SEC24B: variants seen among roughly 807,000 people sequenced by gnomAD.
SEC24B encodes the protein SEC24 homolog B, COPII component.
In SEC24B, 45 loss-of-function variants were observed where a neutral mutation model predicts 142.8. That is an observed-to-expected ratio of 0.32 (90% confidence interval 0.25 to 0.40). SEC24B has a LOEUF of 0.40. SEC24B is among the 10% of genes least tolerant of loss of function. SEC24B has a pLI of 1.00. For synonymous variants in SEC24B, 574 were observed against 568.2 expected (o/e 1.01, Z -0.15); for missense variants, 1,409 against 1,526.8 (o/e 0.92, Z 1.29).
chr4:109,497,572 A>C (rs1040889089), intron 6 of SEC24B, among the ~76,000 whole-genome samples: 3 of 149,186 alleles, frequency 2.0e-5, no homozygotes, highest in Non-Finnish European at 3.0e-5. Context: ...TTTTTTTTAC[A>C]TAATTGGAAG....
intron 3 of SEC24B, among the ~76,000 whole-genome samples, chr4:109,481,230 T>C (rs535307903): frequency 6.9e-4 from 105 of 152,252 alleles, no homozygotes; most frequent in African/African-American, 2.5e-3. Context: ...AAGGTAACAT[T>C]AGCAGAAGGA....
chr4:109,442,861 A>G (rs1300962839), intron 1 of SEC24B, among the ~76,000 whole-genome samples: 2 of 152,116 alleles, frequency 1.3e-5, no homozygotes, highest in Non-Finnish European at 2.9e-5. Flanking sequence ...CTGTATGTTT[A>G]TATTACTCAT....
At chr4:109,456,810 A>G (rs537455007) in intron 1 of SEC24B, among the ~76,000 whole-genome samples, 5 of 152,312 alleles carry the variant, frequency 3.3e-5, no homozygotes, top group South Asian at 2.1e-4. Context: ...GTTTTGTTCA[A>G]TGGTAGAGCT....
intron 4 of SEC24B, among the ~76,000 whole-genome samples, chr4:109,486,370 G>T (rs1006055901): frequency 1.6e-4 from 25 of 152,094 alleles, no homozygotes; most frequent in Admixed American, 1.6e-3. Flanking sequence ...TATTGCCTTT[G>T]TTGACCCATA....
intron 6 of SEC24B, among the ~76,000 whole-genome samples, chr4:109,502,449 C>T (rs1398996473): frequency 2.0e-5 from 3 of 152,098 alleles, no homozygotes; most frequent in African/African-American, 4.8e-5. Flanking sequence ...TGCCCTAATT[C>T]GGAAATTGAT....
At chr4:109,474,917 C>T (rs1169092662) in intron 3 of SEC24B, among the ~76,000 whole-genome samples, 2 of 152,166 alleles carry the variant, frequency 1.3e-5, no homozygotes, top group Admixed American at 1.3e-4. Context: ...TACTTTATAT[C>T]TCATTAATTC....
chr4:109,448,380 T>C (rs923641893), intron 1 of SEC24B, among the ~76,000 whole-genome samples: 1 of 152,220 alleles, frequency 6.6e-6, no homozygotes, highest in Non-Finnish European at 1.5e-5. Flanking sequence ...TCATTTCCAG[T>C]ACCTTTTTCT....
intron 2 of SEC24B, among the ~76,000 whole-genome samples, chr4:109,471,069 G>T (rs1463572016): frequency 6.8e-6 from 1 of 147,948 alleles, no homozygotes; most frequent in Non-Finnish European, 1.5e-5. Context: ...ATTTTATTAT[G>T]CATATATATG....
chr4:109,481,831 C>G (rs1733774093), intron 4 of SEC24B, 50 bp downstream of exon 4: 3 of 1,408,688 alleles, frequency 2.1e-6, no homozygotes, highest in Admixed American at 3.6e-5. Context: ...CTCAAGTTTT[C>G]TTTTTGTTTC....
chr4:109,492,662 G>A (rs1050431021), intron 5 of SEC24B, among the ~76,000 whole-genome samples: 1 of 152,160 alleles, frequency 6.6e-6, no homozygotes, highest in African/African-American at 2.4e-5. Flanking sequence ...TAAATGAATT[G>A]TAGGCCTACT....
chr4:109,448,831 A>G (rs1729747108), intron 1 of SEC24B, among the ~76,000 whole-genome samples: 1 of 152,158 alleles, frequency 6.6e-6, no homozygotes, highest in Non-Finnish European at 1.5e-5. Context: ...CAGTTTTTAC[A>G]TGAATGTCTT....
chr4:109,475,302 A>G (rs1324656444), intron 3 of SEC24B, among the ~76,000 whole-genome samples: 1 of 152,186 alleles, frequency 6.6e-6, no homozygotes, highest in Non-Finnish European at 1.5e-5. Flanking sequence ...CAGGGCTACC[A>G]CATATGGTGG....
chr4:109,521,130 T>A lies in SEC24B; in HGVS notation c.2259T>A (p.Pro753=). ...IVSDIDDVFL[P]TPDSLLVNLY... ...TTTTCCCTATAGATGTTTTTCTACC[T>A]ACACCGGATAGTTTACTTGTGAATC... The change falls in exon 13 of 24, where the codon CCT becomes CCA. Residue 753 remains proline (P), a synonymous_variant. Transcript: ENST00000265175. 6.6e-7 allele frequency: 1 copy of A among 1,513,056 alleles called. No individual in the cohort carries two copies. Among genetic ancestry groups the A allele is most frequent in the Non-Finnish European group, 9.2e-7 (1 of 1,092,576 alleles). The allele number at this position is 1,513,056 out of a possible 1,614,324, so 93.7% of individuals were successfully genotyped here.
intron 4 of SEC24B, among the ~76,000 whole-genome samples, chr4:109,488,172 T>C (rs997581259): frequency 6.6e-6 from 1 of 152,170 alleles, no homozygotes; most frequent in Non-Finnish European, 1.5e-5. Context: ...GTTTTTAGCA[T>C]ATTCACAAAG....
intron 1 of SEC24B, among the ~76,000 whole-genome samples, chr4:109,447,869 G>A (rs2125902193): frequency 6.6e-6 from 1 of 152,300 alleles, no homozygotes; most frequent in East Asian, 1.9e-4. Flanking sequence ...CATCTACAGG[G>A]CTGCATTCCC....
At chr4:109,500,779 A>G (rs1051583304) in intron 6 of SEC24B, among the ~76,000 whole-genome samples, 2 of 151,638 alleles carry the variant, frequency 1.3e-5, no homozygotes, top group African/African-American at 4.8e-5. Context: ...TCAGCCTCCC[A>G]AGTAGCTGGA....
chr4:109,445,479 T>TCA (rs1729368246), intron 1 of SEC24B, among the ~76,000 whole-genome samples: 1 of 148,538 alleles, frequency 6.7e-6, no homozygotes, highest in Admixed American at 6.7e-5. Context: ...ATGGTCTCGA[T>TCA]CTGACCTCGT....
intron 6 of SEC24B, among the ~76,000 whole-genome samples, chr4:109,496,925 C>G (rs1053924567): frequency 6.6e-6 from 1 of 152,048 alleles, no homozygotes; most frequent in Non-Finnish European, 1.5e-5. Context: ...GATGAGAAAA[C>G]CAGGTTCAAA....
Position 109,473,052 on chromosome 4 carries a change from A to G in SEC24B, c.926A>G (p.Lys309Arg). The change falls in exon 3 of 24, where the codon AAG becomes AGG. Residue 309 changes from lysine (K) to arginine (R), a missense_variant. Physicochemically the swap from Lys to Arg is conservative, Grantham distance 26. This residue lies in a region of SEC24B where 709 missense variants were observed against 673.5 expected (regional missense o/e 1.05). Transcript: ENST00000265175. Reference protein sequence around the residue: ...CPVMQNVQPPKSSPVVSTVLS... With the variant: ...CPVMQNVQPPRSSPVVSTVLS... ...GTTATGCAAAATGTTCAGCCTCCCA[A>G]GTCCAGCCCAGTGGTATCCACTGTT... 6.3e-7 allele frequency: 1 copy of G among 1,595,636 alleles called. No homozygotes were observed. Among genetic ancestry groups the G allele is most frequent in the South Asian group, 1.1e-5 (1 of 87,682 alleles).
Sources: gnomAD v4.1 joint callset for allele counts (sites outside exome capture counted in the v4.1 genomes callset) on GRCh38, gnomAD v4.1.1 for gene constraint, gnomAD v4.1.1 regional missense constraint, MANE v1.5 for transcripts, NCBI Gene and HGNC (gene_info 2026-07-23, HGNC 2026-07-21) for gene names.